TMEM131: variants seen among roughly 807,000 people sequenced by gnomAD.
TMEM131 encodes 2610524E03Rik.
Under a neutral mutation model 211.6 loss-of-function variants are expected in TMEM131, and 66 were observed. That is an observed-to-expected ratio of 0.31 (90% CI 0.26 to 0.38). The LOEUF (loss-of-function observed/expected upper bound fraction) is 0.38, where lower values mean the gene tolerates loss of function less well. TMEM131 is among the 10% of genes least tolerant of loss of function. TMEM131 has a pLI of 1.00. For missense variants in TMEM131, 2,036 were observed against 2,299.3 expected, an observed-to-expected ratio of 0.89 and a Z score of 2.34; for synonymous variants, 844 against 841.3, an observed-to-expected ratio of 1.00 and a Z score of -0.06.
chr2:97,892,959 A>C (rs1675443456), intron 3 of TMEM131, among the ~76,000 whole-genome samples: 1 of 152,096 alleles, frequency 6.6e-6, no homozygotes, highest in Admixed American at 6.6e-5. Flanking sequence ...AAGTTTTGTT[A>C]CACAGGTATA....
At chr2:97,770,877 G>A (rs1246957383) in intron 33 of TMEM131, among the ~76,000 whole-genome samples, 11 of 152,136 alleles carry the variant, frequency 7.2e-5, no homozygotes, top group Admixed American at 7.2e-4. Context: ...TAAAAATGAG[G>A]ATTTTCATTA....
At chr2:97,936,491 C>T (rs1469747727) in intron 1 of TMEM131, among the ~76,000 whole-genome samples, 1 of 152,144 alleles carries the variant, frequency 6.6e-6, no homozygotes, top group East Asian at 1.9e-4. Context: ...CACATATGTA[C>T]GCAAATACAC....
intron 4 of TMEM131, among the ~76,000 whole-genome samples, chr2:97,884,911 G>T (rs567999582): frequency 2.7e-4 from 41 of 152,266 alleles, no homozygotes; most frequent in Non-Finnish European, 5.0e-4. Context: ...TTACATTCAA[G>T]GTTATTGATA....
chr2:97,904,826 G>C (rs1295328269), intron 3 of TMEM131, among the ~76,000 whole-genome samples: 7 of 144,050 alleles, frequency 4.9e-5, no homozygotes, highest in South Asian at 4.3e-4. Flanking sequence ...TTAATGTTTC[G>C]TGTGGGGCTT....
At chr2:97,870,843 A>G (rs1422889992) in intron 4 of TMEM131, among the ~76,000 whole-genome samples, 1 of 152,216 alleles carries the variant, frequency 6.6e-6, no homozygotes, top group Non-Finnish European at 1.5e-5. Flanking sequence ...CTCCTTTCAA[A>G]AACATTTTAG....
chr2:97,927,497 A>G lies in TMEM131; in HGVS notation c.188-10T>C. 1 of 1,557,008 alleles carries G rather than the reference A, an allele frequency of 6.4e-7. No homozygotes were observed. The highest frequency in any genetic ancestry group is 8.7e-7 in the Non-Finnish European group (1 of 1,154,346). On this transcript the variant is annotated splice_polypyrimidine_tract_variant and intron_variant, in intron 1 of 40. Transcript: ENST00000186436. ...TCTGACTGAACGAATGCTGTGAAGA[A>G]AACAAAACATACCATCACTTACAGG...
intron 4 of TMEM131, among the ~76,000 whole-genome samples, chr2:97,865,372 G>C (rs1390569163): frequency 6.6e-6 from 1 of 152,164 alleles, no homozygotes; most frequent in Non-Finnish European, 1.5e-5. Context: ...GATGTAGGGG[G>C]AATTTTTTCA....
intron 4 of TMEM131, 59 bp downstream of exon 4, chr2:97,887,993 C>T: frequency 6.9e-6 from 9 of 1,310,366 alleles, no homozygotes; most frequent in Non-Finnish European, 9.8e-6. Context: ...AAGACAAATG[C>T]ATGTAAAATA....
intron 2 of TMEM131, among the ~76,000 whole-genome samples, chr2:97,923,185 C>A (rs1255371100): frequency 6.6e-6 from 1 of 152,130 alleles, no homozygotes; most frequent in African/African-American, 2.4e-5. Context: ...GTGGCTGAGG[C>A]AAGAGAACTG....
At chr2:97,994,170 C>T (rs150530601) in intron 1 of TMEM131, among the ~76,000 whole-genome samples, 155 of 152,308 alleles carry the variant, frequency 1.0e-3, no homozygotes, top group African/African-American at 3.5e-3. Flanking sequence ...GCCACGATCA[C>T]ACATAAGAAA....
At chr2:97,918,190 G>A (rs762757376) in intron 2 of TMEM131, among the ~76,000 whole-genome samples, 6 of 151,908 alleles carry the variant, frequency 3.9e-5, no homozygotes, top group Admixed American at 6.6e-5. Context: ...GCGATCCACC[G>A]GCCTCAGCCT....
intron 12 of TMEM131, among the ~76,000 whole-genome samples, chr2:97,818,280 C>T (rs72946448): frequency 0.025 from 3,829 of 152,086 alleles, 168 homozygotes; most frequent in African/African-American, 0.088. Flanking sequence ...TATATTGTAA[C>T]TTCATAATTA....
chr2:97,905,996 C>T (rs1676050523), intron 3 of TMEM131, among the ~76,000 whole-genome samples: 1 of 152,164 alleles, frequency 6.6e-6, no homozygotes, highest in Non-Finnish European at 1.5e-5. Context: ...TGACAAAATG[C>T]AATCTACTCT....
chr2:97,859,487 T>G (rs1673978283), intron 4 of TMEM131, 60 bp from the exon 5 acceptor site: 1 of 1,399,054 alleles, frequency 7.1e-7, no homozygotes, highest in African/African-American at 1.5e-5. Flanking sequence ...TTATTTCTAG[T>G]TGTTAAAAAA....
intron 25 of TMEM131, 84 bp downstream of exon 25, chr2:97,801,811 A>G: frequency 1.0e-6 from 1 of 1,002,680 alleles, no homozygotes; most frequent in Non-Finnish European, 1.4e-6. Flanking sequence ...CAAATTTAAG[A>G]GTAGCCAATA....
chr2:97,934,334 G>C (rs976130299), intron 1 of TMEM131, among the ~76,000 whole-genome samples: 1 of 152,094 alleles, frequency 6.6e-6, no homozygotes, highest in Non-Finnish European at 1.5e-5. Flanking sequence ...CAGGACATAT[G>C]TACTGAAATA....
chr2:97,784,008 A>G (rs1680135648), intron 31 of TMEM131, among the ~76,000 whole-genome samples: 1 of 152,112 alleles, frequency 6.6e-6, no homozygotes, highest in Non-Finnish European at 1.5e-5. Flanking sequence ...AAAGAAGGAC[A>G]TGATATAATG....
intron 29 of TMEM131, among the ~76,000 whole-genome samples, chr2:97,794,423 T>C (rs1680663303): frequency 6.6e-6 from 1 of 152,174 alleles, no homozygotes; most frequent in Admixed American, 6.5e-5. Flanking sequence ...TGCCTGGAAT[T>C]TGATTTTTCT....
At chr2:97,805,298 T>G in intron 21 of TMEM131, 78 bp downstream of exon 21, 1 of 1,569,142 alleles carries the variant, frequency 6.4e-7, no homozygotes, top group Non-Finnish European at 8.7e-7. Context: ...AGCAATGTAC[T>G]TTAAAAGTGG....
Sources: allele counts gnomAD v4.1 joint callset (sites outside exome capture counted in the v4.1 genomes callset), GRCh38; gene constraint gnomAD v4.1.1; transcripts MANE v1.5; gene names NCBI Gene and HGNC (gene_info 2026-07-23, HGNC 2026-07-21).